POU2F1: variants seen among roughly 807,000 people sequenced by gnomAD.
POU2F1 encodes POU domain, class 2, transcription factor 1.
A neutral mutation model predicts 84.9 loss-of-function variants in POU2F1; 16 were observed. The observed-to-expected ratio is 0.19, with a 90% CI of 0.13 to 0.29. POU2F1 has a LOEUF of 0.29. POU2F1 is among the 10% of genes least tolerant of loss of function. POU2F1 has a pLI of 1.00. For missense variants in POU2F1, 738 were observed against 942.6 expected (o/e 0.78, Z 2.84); for synonymous variants, 368 against 368.3 (o/e 1.00, Z 0.01).
In POU2F1 at chr1:167,315,178, ATTTC is replaced by A. The variant is rs200654466; in HGVS notation, c.62-17288_62-17285del. 5.5e-3 allele frequency among the ~76,000 whole-genome samples: 842 copies of A among 152,286 alleles called. 9 individuals carry two copies. The highest frequency in any genetic ancestry group is 0.019 in the African/African-American group (787 of 41,548). ...TCTTATGCATTACCCAGCCTCAGGCATTTCTTTATAGCAATGTAAGAATGGCCTA... is the reference window on the plus strand; with the variant it reads ...TCTTATGCATTACCCAGCCTCAGGCATTTATAGCAATGTAAGAATGGCCTA... On this transcript the variant is annotated intron_variant, in intron 1 of 15. Transcript: ENST00000367866.
intron 1 of POU2F1, among the ~76,000 whole-genome samples, chr1:167,302,563 T>A (rs1228998648): frequency 6.6e-6 from 1 of 152,122 alleles, no homozygotes; most frequent in Non-Finnish European, 1.5e-5. Context: ...GGCCAACAAC[T>A]CCTTTTTAAG....
chr1:167,374,134 G>A lies in POU2F1; in HGVS notation c.429G>A (p.Gln143=), dbSNP rs780145813. The part of the protein sequence containing the change: ...TGLTLTPAQQ[Q]LLLQQAQAQA... The stretch of plus-strand genomic sequence containing the variant: ...TTACTTTGACGCCTGCCCAGCAACA[G>A]TTACTACTCCAGCAGGCACAGGCAC... The change falls in exon 6 of 16, where the codon CAG becomes CAA. Residue 143 remains glutamine, a synonymous_variant. Transcript: ENST00000367866. 1.2e-6 allele frequency: 2 copies of A among 1,614,138 alleles called. No individual in the cohort carries two copies. The highest frequency in any genetic ancestry group is 3.3e-5 in the Admixed American group (2 of 60,022).
chr1:167,253,973 T>C (rs1331989000), intron 1 of POU2F1, among the ~76,000 whole-genome samples: 4 of 152,172 alleles, frequency 2.6e-5, no homozygotes, highest in Admixed American at 2.0e-4. Context: ...TCTAGGAATT[T>C]TTATTGGTTT....
At chr1:167,250,183 G>T (rs1475905459) in intron 1 of POU2F1, among the ~76,000 whole-genome samples, 1 of 151,844 alleles carries the variant, frequency 6.6e-6, no homozygotes, top group East Asian at 1.9e-4. Context: ...TTTCCTTCCG[G>T]AAAATAGAGA....
intron 13 of POU2F1, among the ~76,000 whole-genome samples, chr1:167,406,551 A>G (rs1002620156): frequency 6.6e-6 from 1 of 152,202 alleles, no homozygotes; most frequent in Non-Finnish European, 1.5e-5. Flanking sequence ...AAAACGGAAG[A>G]CAATTTGGAA....
intron 1 of POU2F1, among the ~76,000 whole-genome samples, chr1:167,323,758 T>C (rs554799410): frequency 4.1e-4 from 62 of 152,338 alleles, no homozygotes; most frequent in Non-Finnish European, 8.1e-4. Flanking sequence ...AGTCACGCGA[T>C]CTCGGCTCAA....
intron 2 of POU2F1, among the ~76,000 whole-genome samples, chr1:167,355,330 G>C (rs1658865114): frequency 6.6e-6 from 1 of 151,844 alleles, no homozygotes; most frequent in Non-Finnish European, 1.5e-5. Flanking sequence ...AGTGTTCATA[G>C]GTGTGTGTAC....
rs1648059833 is a variant in POU2F1 at position 167,220,929 on chromosome 1, A to G, written c.32A>G (p.Glu11Gly). 6.5e-7 allele frequency: 1 copy of G among 1,535,226 alleles called. No individual in the cohort carries two copies. The highest frequency in any genetic ancestry group is 2.0e-5 in the Admixed American group (1 of 50,978). ...GACGGAGGAGCAGCGAGTCAAGATG[A>G]GAGTTCAGCCGCGGCGGCAGCAGCA... is the stretch of plus-strand genomic sequence containing the variant. MADGGAASQD[E>G]SSAAAAAAAD... The change falls in exon 1 of 16, where the codon GAG becomes GGG. Residue 11 changes from glutamate to glycine, a missense_variant. Physicochemically the swap from Glu to Gly is moderately conservative, Grantham distance 98. Around this residue, in one of 4 missense-constraint regions of POU2F1, gnomAD observed 161 missense variants for 147.0 expected, o/e 1.10. Coordinates refer to ENST00000367866, the MANE Select transcript of POU2F1 (RefSeq NM_002697.4).
At chr1:167,308,986 A>G (rs1443755387) in intron 1 of POU2F1, among the ~76,000 whole-genome samples, 1 of 152,100 alleles carries the variant, frequency 6.6e-6, no homozygotes, top group Non-Finnish European at 1.5e-5. Flanking sequence ...GTTATAATTC[A>G]TTCATTTTTT....
At chr1:167,280,348 C>G (rs1445642478) in intron 1 of POU2F1, among the ~76,000 whole-genome samples, 2 of 146,590 alleles carry the variant, frequency 1.4e-5, no homozygotes, top group East Asian at 4.0e-4. Flanking sequence ...ATTGCCATTA[C>G]TGTTATGTAG....
In POU2F1 at chr1:167,418,875, A is replaced by C. The variant is rs1650467756; in HGVS notation, c.*3065A>C. On this transcript the variant is annotated 3_prime_UTR_variant, in exon 16 of 16. Transcript: ENST00000367866. ...CAGCATAAAAAATCTGTTTAAAAGA[A>C]GAAATAATCTTTAGGAAAAGATAAA... 6.6e-6 allele frequency: 1 copy of C among 152,236 alleles called. No individual in the cohort carries two copies. Among genetic ancestry groups the C allele is most frequent in the South Asian group, 2.1e-4 (1 of 4,830 alleles). The allele number at this position is 152,236 out of a possible 1,614,324, so 9.4% of individuals were successfully genotyped here.
At chr1:167,279,750 A>G (rs1324622738) in intron 1 of POU2F1, among the ~76,000 whole-genome samples, 4 of 152,104 alleles carry the variant, frequency 2.6e-5, no homozygotes, top group Admixed American at 2.0e-4. Context: ...GGGAATAAAT[A>G]TTGATGGGAG....
chr1:167,384,840 T>A (rs985644492), intron 8 of POU2F1, among the ~76,000 whole-genome samples: 1 of 151,900 alleles, frequency 6.6e-6, no homozygotes, highest in South Asian at 2.1e-4. Flanking sequence ...ATACTCAAGG[T>A]GCCAGTAATG....
intron 8 of POU2F1, chr1:167,387,287 G>A (rs964215975): frequency 2.4e-5 from 11 of 453,060 alleles, no homozygotes; most frequent in Admixed American, 7.1e-5. Context: ...TTTGAGAATG[G>A]GGCTACTTCA....
At chr1:167,300,310 C>G (rs987696412) in intron 1 of POU2F1, among the ~76,000 whole-genome samples, 1 of 152,104 alleles carries the variant, frequency 6.6e-6, no homozygotes. Context: ...AATTAGAGAT[C>G]AGGTACCGTA....
At chr1:167,385,005 A>G (rs778483645) in intron 8 of POU2F1, among the ~76,000 whole-genome samples, 18 of 152,180 alleles carry the variant, frequency 1.2e-4, no homozygotes, top group Non-Finnish European at 2.2e-4. Flanking sequence ...CTTAGCAAGT[A>G]TGATACAAAC....
intron 1 of POU2F1, among the ~76,000 whole-genome samples, chr1:167,305,228 C>A (rs929788520): frequency 1.6e-4 from 23 of 144,098 alleles, no homozygotes; most frequent in African/African-American, 5.7e-4. Context: ...CTCTCTGTTG[C>A]CCAGGCTGGA....
At chr1:167,371,865 T>G (rs1001380752) in intron 4 of POU2F1, 52 bp from the exon 5 acceptor site, 23 of 1,607,064 alleles carry the variant, frequency 1.4e-5, no homozygotes, top group Non-Finnish European at 1.8e-5. Context: ...TTAAGTACAT[T>G]TCTTTTAATC....
intron 2 of POU2F1, among the ~76,000 whole-genome samples, chr1:167,351,155 C>T (rs113988543): frequency 0.02 from 3,015 of 152,098 alleles, 95 homozygotes; most frequent in African/African-American, 0.068. Flanking sequence ...GAGTTCTAGA[C>T]CAGCCTGGCC....
Sources: gnomAD v4.1 joint callset for allele counts (sites outside exome capture counted in the v4.1 genomes callset) on GRCh38, gnomAD v4.1.1 for gene constraint, gnomAD v4.1.1 regional missense constraint, MANE v1.5 for transcripts, NCBI Gene and HGNC (gene_info 2026-07-23, HGNC 2026-07-21) for gene names.